The following ASB2 variants were observed in gnomAD, a reference collection of about 807,000 sequenced individuals.
ASB2 encodes ankyrin repeat and SOCS box protein 2.
ASB2 carries 58 observed loss-of-function variants against 62.4 expected under a neutral mutation model. The observed-to-expected ratio is 0.93, with a 90% confidence interval of 0.75 to 1.16. ASB2 has a LOEUF of 1.16. ASB2 is among the 50% of genes most tolerant of loss of function. The probability of loss-of-function intolerance (pLI) is 0.00; values close to 1 mark genes in which losing one functional copy is unlikely to be tolerated. For missense variants in ASB2, 928 were observed against 887.9 expected (o/e 1.05, Z -0.57); for synonymous variants, 386 against 385.3 (o/e 1.00, Z -0.02).
intron 7 of ASB2, among the ~76,000 whole-genome samples, chr14:93,945,292 T>G (rs1186021635): frequency 6.6e-6 from 1 of 152,154 alleles, no homozygotes; most frequent in Non-Finnish European, 1.5e-5. Flanking sequence ...TTTGCCCAAC[T>G]CTGACTGATG....
chr14:93,964,571 C>G lies in ASB2; in HGVS notation c.-32G>C. 6.5e-7 allele frequency: 1 copy of G among 1,531,750 alleles called. No homozygotes were observed. The highest frequency in any genetic ancestry group is 8.7e-7 in the Non-Finnish European group (1 of 1,143,090). 94.9% of individuals were successfully genotyped at this position (1,531,750 alleles called of 1,614,324 possible). On this transcript the variant is annotated 5_prime_UTR_variant, in exon 2 of 10. Transcript: ENST00000555019. ...CCACCTCTCACCCTGGCCTCCAGAA[C>G]AGACACCCAGTGGGGAGGAGGGAAC...
At position 93,942,312 on chromosome 14, in the gene ASB2, C is replaced by T. The variant is rs1208302096; in HGVS notation, c.1053-2640G>A. The T allele has an allele frequency of 8.8e-6, 4 of 455,570 alleles. No individual in the cohort carries two copies. In the Admixed American group the frequency reaches 9.4e-5, roughly 11 times the overall value. The allele number at this position is 455,570 out of a possible 1,614,324, so 28.2% of individuals were successfully genotyped here. A position where few individuals can be genotyped will look rare whatever the true frequency, so the allele number is the denominator to read the frequency against. On this transcript the variant is annotated intron_variant, in intron 7 of 9. Coordinates refer to ENST00000555019, the MANE Select transcript of ASB2 (RefSeq NM_001202429.2). ...TGTCTGGAAGAATGGCCCCCTACCC[C>T]TTCCTTGTCCCCTCCCCAATGCAGA...
In ASB2 at chr14:93,951,000, G is replaced by A. The variant is rs779431061; in HGVS notation, c.879C>T (p.Tyr293=). 3.7e-6 allele frequency: 6 copies of A among 1,612,876 alleles called. No individual in the cohort carries two copies. The Admixed American group carries it at 5.0e-5, about 13-fold the overall frequency. ...QLEALRFLAK[Y]GADINTQASD... ...ACCTAGGGACCCTTAGCCACTCACC[G>A]TACTTGGCTAAGAACCTCAAGGCCT... is the stretch of plus-strand genomic sequence containing the variant. The change falls in exon 6 of 10, where the codon TAC becomes TAT. Residue 293 remains tyrosine (Y), a splice_region_variant and synonymous_variant. Coordinates refer to ENST00000555019, the MANE Select transcript of ASB2 (RefSeq NM_001202429.2).
At position 93,937,790 on chromosome 14, in the gene ASB2, A is replaced by G; in HGVS notation, c.1679T>C (p.Leu560Pro). ...SRWAGPIIDVLLDYVGNVQLC... is the reference protein window; with the variant it reads ...SRWAGPIIDVPLDYVGNVQLC... ...CTGCACGTTGCCCACGTAGTCCAGGAGGACATCGATGATGGGCCCCGCCCA... is the reference window on the plus strand; with the variant it reads ...CTGCACGTTGCCCACGTAGTCCAGGGGGACATCGATGATGGGCCCCGCCCA... Residue 560 changes from leucine to proline, a missense_variant, in exon 9 of 10, where the codon CTC (leucine) becomes CCC (proline). Leu to Pro is a moderately conservative substitution (Grantham distance 98). Transcript: ENST00000555019. The G allele has an allele frequency of 1.2e-6, 2 of 1,612,394 alleles. No homozygotes were observed. The highest frequency in any genetic ancestry group is 1.7e-6 in the Non-Finnish European group (2 of 1,178,556).
At chr14:93,941,592 G>T (rs1229757473) in intron 7 of ASB2, 6 of 455,628 alleles carry the variant, frequency 1.3e-5, no homozygotes, top group Non-Finnish European at 2.6e-5. Context: ...GCTCTGCAGA[G>T]GTGCTGGTCA....
At chr14:93,946,950 G>A (rs1567022590) in intron 7 of ASB2, among the ~76,000 whole-genome samples, 1 of 152,188 alleles carries the variant, frequency 6.6e-6, no homozygotes, top group African/African-American at 2.4e-5. Context: ...GACCTTTGGA[G>A]CAGGTGAGTA....
chr14:93,970,735 G>A (rs573221603), intron 1 of ASB2, among the ~76,000 whole-genome samples: 2 of 152,202 alleles, frequency 1.3e-5, no homozygotes, highest in African/African-American at 2.4e-5. Context: ...GGCACGGCCC[G>A]AGTGCCCCAC....
intron 1 of ASB2, among the ~76,000 whole-genome samples, chr14:93,965,585 T>A (rs1468342243): frequency 6.6e-6 from 1 of 152,228 alleles, no homozygotes; most frequent in East Asian, 1.9e-4. Flanking sequence ...TAAGCTTGAT[T>A]TTCATTCTGG....
chr14:93,972,113 G>T (rs928600455), intron 1 of ASB2, among the ~76,000 whole-genome samples: 2 of 150,496 alleles, frequency 1.3e-5, no homozygotes, highest in Non-Finnish European at 3.0e-5. Flanking sequence ...AAGCTTCAAG[G>T]TCTCCCAAAT....
chr14:93,954,576 G>A, intron 3 of ASB2, 93 bp from the exon 4 acceptor site: 1 of 1,168,844 alleles, frequency 8.6e-7, no homozygotes, highest in Non-Finnish European at 1.2e-6. Flanking sequence ...GGAGTCACTC[G>A]GTCCTCGTCC....
chr14:93,955,628 G>A, intron 3 of ASB2: 1 of 169,684 alleles, frequency 5.9e-6, no homozygotes, highest in Non-Finnish European at 1.3e-5. Context: ...TGGCGAGCAG[G>A]GCGTGGTGCA....
At chr14:93,946,766 T>TAGTAATTGCTA (rs1888740643) in intron 7 of ASB2, among the ~76,000 whole-genome samples, 1 of 152,236 alleles carries the variant, frequency 6.6e-6, no homozygotes, top group African/African-American at 2.4e-5. Context: ...ATCTAGCACT[T>TAGTAATTGCTA]AGTAATTGCT....
Position 93,954,347 on chromosome 14 carries a change from G to C in ASB2, c.448C>G (p.Gln150Glu). ...LPLHEAAYYG[Q>E]VGCLKVLQRA... ...TGCAGGACTTTCAGGCAGCCCACCT[G>C]GCCATAGTATGCGGCCTCGTGCAGC... Residue 150 changes from glutamine to glutamate, a missense_variant, in exon 4 of 10, where the codon CAG (glutamine) becomes GAG (glutamate). Physicochemically the swap from Gln to Glu is conservative, Grantham distance 29. Coordinates refer to ENST00000555019, the MANE Select transcript of ASB2 (RefSeq NM_001202429.2). 1 of 1,613,764 alleles carries C rather than the reference G, an allele frequency of 6.2e-7. No homozygotes were observed. The highest frequency in any genetic ancestry group is 8.5e-7 in the Non-Finnish European group (1 of 1,179,854).
In ASB2 at chr14:93,939,301, G is replaced by C. The variant is rs1270103707; in HGVS notation, c.1424C>G (p.Pro475Arg). Residue 475 changes from proline (P) to arginine (R), a missense_variant, in exon 8 of 10, where the codon CCC becomes CGC. Physicochemically the swap from Pro to Arg is moderately radical, Grantham distance 103. Coordinates refer to ENST00000555019, the MANE Select transcript of ASB2 (RefSeq NM_001202429.2). ...ANIDAYIATH[P>R]TAFPATIMFA... ...CATGATGGTGGCGGGGAAGGCGGTG[G>C]GGTGCGTGGCGATATAGGCGTCGAT... 8.1e-6 allele frequency: 13 copies of C among 1,609,246 alleles called. No individual in the cohort carries two copies. Among genetic ancestry groups the C allele is most frequent in the Non-Finnish European group, 1.1e-5 (13 of 1,176,652 alleles).
chr14:93,960,660 G>C (rs1595329477), intron 2 of ASB2, among the ~76,000 whole-genome samples: 1 of 152,104 alleles, frequency 6.6e-6, no homozygotes, highest in East Asian at 1.9e-4. Flanking sequence ...GTCCCTTAGG[G>C]GACCAAAGCT....
chr14:93,958,247 T>C (rs1372728273), intron 2 of ASB2, among the ~76,000 whole-genome samples: 1 of 152,232 alleles, frequency 6.6e-6, no homozygotes. Context: ...ACCGCCTGCA[T>C]GTGTCCTCAT....
intron 2 of ASB2, among the ~76,000 whole-genome samples, chr14:93,960,087 G>A (rs1472234357): frequency 5.3e-5 from 8 of 152,156 alleles, no homozygotes; most frequent in Admixed American, 4.6e-4. Context: ...ATTGCACCAA[G>A]CATCTCATTT....
chr14:93,939,291 G>C lies in ASB2; in HGVS notation c.1434C>G (p.Phe478Leu), dbSNP rs1888407338. Residue 478 changes from phenylalanine to leucine, a missense_variant, in exon 8 of 10, where the codon TTC becomes TTG. Transcript: ENST00000555019. ...DAYIATHPTA[F>L]PATIMFAMKC... Reference sequence around the variant, plus strand: ...TCATGGCGAACATGATGGTGGCGGGGAAGGCGGTGGGGTGCGTGGCGATAT... The same window carrying C: ...TCATGGCGAACATGATGGTGGCGGGCAAGGCGGTGGGGTGCGTGGCGATAT... 6.2e-7 allele frequency: 1 copy of C among 1,609,318 alleles called. No individual in the cohort carries two copies.
In ASB2 at chr14:93,954,447, GC is replaced by G. The variant is rs1567026658; in HGVS notation, c.347del (p.Gly116AlafsTer6). 1 of 1,614,160 alleles carries G rather than the reference GC, an allele frequency of 6.2e-7. No individual in the cohort carries two copies. The highest frequency in any genetic ancestry group is 8.5e-7 in the Non-Finnish European group (1 of 1,180,018). ...TCATGGTCTTCAAGGCCTCTTCATC[GC>G]CATCCTTGATGGCCTTTATCAAGGG... ...ADPLIKAIKD[G>X]DEEALKTMIK... On this transcript the variant is annotated frameshift_variant, in exon 4 of 10. Transcript: ENST00000555019. LOFTEE classifies it high-confidence loss of function.
Sources: allele counts gnomAD v4.1 joint callset (sites outside exome capture counted in the v4.1 genomes callset), GRCh38; gene constraint gnomAD v4.1.1; transcripts MANE v1.5; gene names NCBI Gene and HGNC (gene_info 2026-07-23, HGNC 2026-07-21).